NELL1: variants seen among roughly 807,000 people sequenced by gnomAD.
The protein encoded by NELL1 is protein kinase C-binding protein NELL1.
In NELL1, 76 loss-of-function variants were observed where a neutral mutation model predicts 107.4. The observed-to-expected ratio is 0.71, with a 90% CI of 0.59 to 0.86. The LOEUF is 0.86. Ranked by LOEUF, NELL1 falls within the 40% of genes least tolerant of loss-of-function variation. The pLI is 0.00. For missense variants in NELL1, 1,024 were observed against 1,005.5 expected (o/e 1.02, Z -0.25); for synonymous variants, 353 against 341.2 (o/e 1.03, Z -0.38).
chr11:21,161,136 C>G (rs1402665692), intron 13 of NELL1, among the ~76,000 whole-genome samples: 6 of 152,052 alleles, frequency 3.9e-5, no homozygotes, highest in Admixed American at 2.6e-4. Flanking sequence ...GAGCTCATCT[C>G]AAAGCACCTT....
intron 14 of NELL1, among the ~76,000 whole-genome samples, chr11:21,364,701 G>T (rs991135122): frequency 6.6e-6 from 1 of 152,108 alleles, no homozygotes; most frequent in African/African-American, 2.4e-5. Flanking sequence ...AGTTAGCAAT[G>T]CATAGTCTTA....
At chr11:20,901,625 G>A (rs1470725643) in intron 5 of NELL1, among the ~76,000 whole-genome samples, 1 of 151,590 alleles carries the variant, frequency 6.6e-6, no homozygotes, top group South Asian at 2.1e-4. Context: ...AAGACCAGAG[G>A]CCAAGAATAA....
At chr11:21,462,020 C>CT (rs1853912535) in intron 15 of NELL1, among the ~76,000 whole-genome samples, 1 of 152,104 alleles carries the variant, frequency 6.6e-6, no homozygotes, top group South Asian at 2.1e-4. Context: ...AAGCATTTTT[C>CT]TAGACTGCTG....
intron 12 of NELL1, among the ~76,000 whole-genome samples, chr11:20,967,336 T>A (rs1419020050): frequency 7.0e-6 from 1 of 143,750 alleles, no homozygotes; most frequent in Non-Finnish European, 1.5e-5. Context: ...TTAGGTAACT[T>A]TTTTTTTTTA....
At chr11:21,258,766 A>C (rs1858833874) in intron 14 of NELL1, among the ~76,000 whole-genome samples, 1 of 152,018 alleles carries the variant, frequency 6.6e-6, no homozygotes, top group Non-Finnish European at 1.5e-5. Flanking sequence ...GCTGACACAT[A>C]AAATTAACCA....
intron 14 of NELL1, among the ~76,000 whole-genome samples, chr11:21,255,572 T>C (rs1043392717): frequency 1.3e-5 from 2 of 152,098 alleles, no homozygotes; most frequent in Non-Finnish European, 2.9e-5. Context: ...GAAATGAAGA[T>C]GTACTGCTAA....
intron 18 of NELL1, among the ~76,000 whole-genome samples, chr11:21,572,374 A>G (rs1450918714): frequency 4.6e-5 from 7 of 150,546 alleles, no homozygotes; most frequent in Non-Finnish European, 1.0e-4. Flanking sequence ...AAGACTTTTC[A>G]TGTGCCAAAC....
chr11:20,803,349 C>T (rs1857317138), intron 3 of NELL1, among the ~76,000 whole-genome samples: 1 of 152,082 alleles, frequency 6.6e-6, no homozygotes, highest in African/African-American at 2.4e-5. Context: ...AATTTATTGG[C>T]ATATAGCAGC....
chr11:21,126,060 G>A (rs980196148), intron 13 of NELL1, among the ~76,000 whole-genome samples: 2 of 152,162 alleles, frequency 1.3e-5, no homozygotes, highest in African/African-American at 4.8e-5. Flanking sequence ...TACACATGAG[G>A]AATCTATGTT....
At chr11:21,110,005 T>C (rs901671476) in intron 12 of NELL1, among the ~76,000 whole-genome samples, 6 of 152,114 alleles carry the variant, frequency 3.9e-5, no homozygotes, top group African/African-American at 1.2e-4. Flanking sequence ...TCTTTCTTTC[T>C]TTTATCTTCT....
In NELL1 at chr11:20,861,179, G is replaced by A. The variant is rs1261557976; in HGVS notation, c.506+13426G>A. 5.9e-5 allele frequency among the ~76,000 whole-genome samples: 9 copies of A among 152,186 alleles called. No individual in the cohort carries two copies. In the East Asian group the frequency reaches 7.7e-4, roughly 13 times the overall value. Reference sequence around the variant, plus strand: ...AATACCCATTGCCCTGCCCTTAATCGTATTGCACAGAAGTGGTCATTATTA... The same window carrying A: ...AATACCCATTGCCCTGCCCTTAATCATATTGCACAGAAGTGGTCATTATTA... On this transcript the variant is annotated intron_variant, in intron 4 of 19. Coordinates refer to ENST00000357134, the MANE Select transcript of NELL1 (RefSeq NM_006157.5).
At chr11:21,499,768 C>A (rs1258781061) in intron 15 of NELL1, among the ~76,000 whole-genome samples, 1 of 152,078 alleles carries the variant, frequency 6.6e-6, no homozygotes, top group Non-Finnish European at 1.5e-5. Flanking sequence ...GTCATTTTCA[C>A]AGGTTTAGTA....
At chr11:21,459,313 A>T (rs1232342226) in intron 15 of NELL1, among the ~76,000 whole-genome samples, 1 of 144,182 alleles carries the variant, frequency 6.9e-6, no homozygotes. Flanking sequence ...GGAGAAAAAA[A>T]GAGAGAGGGT....
chr11:20,989,517 G>A (rs939828271), intron 12 of NELL1, among the ~76,000 whole-genome samples: 3 of 151,980 alleles, frequency 2.0e-5, no homozygotes, highest in African/African-American at 7.3e-5. Flanking sequence ...TTCTTTTCAG[G>A]TCTTGACCTC....
intron 12 of NELL1, among the ~76,000 whole-genome samples, chr11:21,059,754 C>G (rs986846722): frequency 5.3e-5 from 8 of 152,136 alleles, no homozygotes; most frequent in Non-Finnish European, 7.3e-5. Context: ...CCTTTCGCTA[C>G]TGCATCTTCC....
intron 17 of NELL1, among the ~76,000 whole-genome samples, chr11:21,567,195 A>G (rs1856991803): frequency 6.6e-6 from 1 of 151,854 alleles, no homozygotes; most frequent in Non-Finnish European, 1.5e-5. Context: ...TGAGCTGATC[A>G]AATGGTTTTG....
chr11:20,982,559 G>T (rs1458524841), intron 12 of NELL1, among the ~76,000 whole-genome samples: 1 of 152,184 alleles, frequency 6.6e-6, no homozygotes, highest in African/African-American at 2.4e-5. Context: ...TCCGCTATGA[G>T]ATGCCACAGT....
intron 14 of NELL1, among the ~76,000 whole-genome samples, chr11:21,231,277 C>T (rs1565122262): frequency 6.6e-6 from 1 of 152,044 alleles, no homozygotes; most frequent in Non-Finnish European, 1.5e-5. Flanking sequence ...AACATGCAAA[C>T]TAGTCACCTT....
intron 2 of NELL1, among the ~76,000 whole-genome samples, chr11:20,700,927 G>A (rs577955254): frequency 1.3e-5 from 2 of 152,248 alleles, no homozygotes; most frequent in South Asian, 4.2e-4. Context: ...ATTTGGGTCA[G>A]TTCCAAGTCT....
Sources: allele counts gnomAD v4.1 joint callset (sites outside exome capture counted in the v4.1 genomes callset), GRCh38; gene constraint gnomAD v4.1.1; transcripts MANE v1.5; gene names NCBI Gene and HGNC (gene_info 2026-07-23, HGNC 2026-07-21).